The following TBC1D3H variants were observed in gnomAD, a reference collection of about 807,000 sequenced individuals.
TBC1D3H encodes TBC1 domain family member 3H.
rs2069658259 is a variant in TBC1D3H, at chr17:36,385,771, C to G, written c.159-478G>C. 1.5e-5 allele frequency among the ~76,000 whole-genome samples: 2 copies of G among 131,302 alleles called. 1 individual carries two copies. Among genetic ancestry groups the G allele is most frequent in the South Asian group, 6.2e-4 (2 of 3,228 alleles). 86.1% of individuals were successfully genotyped at this position (131,302 alleles called of 152,430 possible). Reference sequence around the variant, plus strand: ...CCAGGGGCCCACCCCACTTGACAGCCCCAAGGCCCTTGCAGATTCTGACCT... The same window carrying G: ...CCAGGGGCCCACCCCACTTGACAGCGCCAAGGCCCTTGCAGATTCTGACCT... On this transcript the variant is annotated intron_variant, in intron 3 of 13. Coordinates refer to ENST00000610350, the MANE Select transcript of TBC1D3H (RefSeq NM_001123392.4).
At position 36,388,393 on chromosome 17, in the gene TBC1D3H, G is replaced by T. The variant is rs1397995924; in HGVS notation, c.-70C>A. On this transcript the variant is annotated 5_prime_UTR_variant, in exon 1 of 14. Coordinates refer to ENST00000610350, the MANE Select transcript of TBC1D3H (RefSeq NM_001123392.4). ...AGAAAACCTTTGAGTCCACAGAGCT[G>T]CTCACAGATACCACTGCCTGTGTGT... is the stretch of plus-strand genomic sequence containing the variant. 6.7e-6 allele frequency: 1 copy of T among 148,920 alleles called. No homozygotes were observed. Among genetic ancestry groups the T allele is most frequent in the Non-Finnish European group, 1.5e-5 (1 of 66,840 alleles). The allele number at this position is 148,920 out of a possible 1,614,324, so 9.2% of individuals were successfully genotyped here. A position where few individuals can be genotyped will look rare whatever the true frequency, so the allele number is the denominator to read the frequency against.
chr17:36,379,695 T>TG, intron 12 of TBC1D3H, 147 bp from the exon 13 acceptor site: 1 of 2,798 alleles, frequency 3.6e-4, no homozygotes, highest in Non-Finnish European at 6.0e-4. Context: ...AGACTGTGGC[T>TG]GGGGGGCGAT....
chr17:36,381,689 GC>G, intron 9 of TBC1D3H, 50 bp downstream of exon 9: 1 of 103,818 alleles, frequency 9.6e-6, no homozygotes, highest in East Asian at 1.4e-4. Flanking sequence ...GGCCAGGGTG[GC>G]CATCCCCAGG....
At position 36,386,076 on chromosome 17, in the gene TBC1D3H, A is replaced by T. The variant is rs1390185782; in HGVS notation, c.158+500T>A. 3.9e-5 allele frequency among the ~76,000 whole-genome samples: 5 copies of T among 127,006 alleles called. 1 individual carries two copies. The highest frequency in any genetic ancestry group is 8.3e-5 in the Non-Finnish European group (5 of 60,186). 83.3% of individuals were successfully genotyped at this position (127,006 alleles called of 152,430 possible). On this transcript the variant is annotated intron_variant, in intron 3 of 13. Coordinates refer to ENST00000610350, the MANE Select transcript of TBC1D3H (RefSeq NM_001123392.4). The stretch of plus-strand genomic sequence containing the variant: ...CTGCCCATCTTCCCCCCGTTCTCCT[A>T]GGGCTACAGCCCCCATTGTCACCAT...
At position 36,385,859 on chromosome 17, in the gene TBC1D3H, G is replaced by A. The variant is rs1350489630; in HGVS notation, c.159-566C>T. The stretch of plus-strand genomic sequence containing the variant: ...ACACCCTGCGTTTCAGAAGTGGCAC[G>A]GCTCATCAGCTCCCTCCCGCCCTAC... On this transcript the variant is annotated intron_variant, in intron 3 of 13. Coordinates refer to ENST00000610350, the MANE Select transcript of TBC1D3H (RefSeq NM_001123392.4). 3.0e-5 allele frequency among the ~76,000 whole-genome samples: 4 copies of A among 131,556 alleles called. 1 individual carries two copies. Among genetic ancestry groups the A allele is most frequent in the Admixed American group, 7.3e-5 (1 of 13,758 alleles). The allele number at this position is 131,556 out of a possible 152,430, so 86.3% of individuals were successfully genotyped here.
At chr17:36,385,689 C>T (rs1416786004) in intron 3 of TBC1D3H, among the ~76,000 whole-genome samples, 1 of 124,084 alleles carries the variant, frequency 8.1e-6, no homozygotes, top group Admixed American at 7.6e-5. Context: ...TGACCACATC[C>T]CCCCGCCAGG....
Position 36,385,896 on chromosome 17 carries a change from T to C in TBC1D3H, c.159-603A>G, listed in dbSNP as rs2069663776. ...CCCTCCCGCCCTACCTCCCCAGGGA[T>C]CCTCTGTCTCTCCATCCTGTGATCC... is the stretch of plus-strand genomic sequence containing the variant. On this transcript the variant is annotated intron_variant, in intron 3 of 13. Transcript: ENST00000610350. Among the ~76,000 whole-genome samples, 2 of 128,652 alleles carry C rather than the reference T, an allele frequency of 1.6e-5. 1 individual carries two copies. The highest frequency in any genetic ancestry group is 1.5e-4 in the Admixed American group (2 of 13,478). 84.4% of individuals were successfully genotyped at this position (128,652 alleles called of 152,430 possible). A position where few individuals can be genotyped will look rare whatever the true frequency, so the allele number is the denominator to read the frequency against.
rs542773709 is a variant in TBC1D3H, at chr17:36,386,067, C to T, written c.158+509G>A. ...AACGGGGCCCTGCCCATCTTCCCCC[C>T]GTTCTCCTAGGGCTACAGCCCCCAT... On this transcript the variant is annotated intron_variant, in intron 3 of 13. Transcript: ENST00000610350. Among the ~76,000 whole-genome samples, 39 of 127,878 alleles carry T rather than the reference C, an allele frequency of 3.0e-4. 4 individuals are homozygous for T. Among genetic ancestry groups the T allele is most frequent in the African/African-American group, 1.1e-3 (39 of 33,922 alleles). 83.9% of individuals were successfully genotyped at this position (127,878 alleles called of 152,430 possible).
intron 3 of TBC1D3H, among the ~76,000 whole-genome samples, chr17:36,385,752 G>A (rs1273163176): frequency 3.1e-5 from 4 of 130,324 alleles, no homozygotes; most frequent in Non-Finnish European, 6.6e-5. Flanking sequence ...TGCACCAGGG[G>A]CCCACCCCAC....
Position 36,385,794 on chromosome 17 carries a change from C to A in TBC1D3H, c.159-501G>T, listed in dbSNP as rs1170743035. On this transcript the variant is annotated intron_variant, in intron 3 of 13. Coordinates refer to ENST00000610350, the MANE Select transcript of TBC1D3H (RefSeq NM_001123392.4). ...GCCCCAAGGCCCTTGCAGATTCTGA[C>A]CTCCCAGCATCCACCTGCCTCTCCC... Among the ~76,000 whole-genome samples the A allele has an allele frequency of 5.1e-4, 68 of 132,216 alleles. 15 individuals are homozygous for A. Among genetic ancestry groups the A allele is most frequent in the African/African-American group, 1.8e-3 (63 of 35,406 alleles). 86.7% of individuals were successfully genotyped at this position (132,216 alleles called of 152,430 possible).
At chr17:36,386,163 C>A (rs959782803) in intron 3 of TBC1D3H, among the ~76,000 whole-genome samples, 2 of 120,916 alleles carry the variant, frequency 1.7e-5, no homozygotes, top group African/African-American at 3.3e-5. Context: ...AGAACAGGGG[C>A]AGGTGGGCCC....
At position 36,385,747 on chromosome 17, in the gene TBC1D3H, C is replaced by T. The variant is rs1294331878; in HGVS notation, c.159-454G>A. On this transcript the variant is annotated intron_variant, in intron 3 of 13. Transcript: ENST00000610350. ...CCTGCCCGGTGTACTCTGGCTGCAC[C>T]AGGGGCCCACCCCACTTGACAGCCC... Among the ~76,000 whole-genome samples the T allele has an allele frequency of 2.3e-5, 3 of 130,424 alleles. 1 individual carries two copies. Among genetic ancestry groups the T allele is most frequent in the Non-Finnish European group, 4.9e-5 (3 of 61,012 alleles). The allele number at this position is 130,424 out of a possible 152,430, so 85.6% of individuals were successfully genotyped here.
Position 36,385,892 on chromosome 17 carries a change from G to T in TBC1D3H, c.159-599C>A. ...AGCTCCCTCCCGCCCTACCTCCCCAGGGATCCTCTGTCTCTCCATCCTGTG... is the reference window on the plus strand; with the variant it reads ...AGCTCCCTCCCGCCCTACCTCCCCATGGATCCTCTGTCTCTCCATCCTGTG... On this transcript the variant is annotated intron_variant, in intron 3 of 13. Transcript: ENST00000610350. Among the ~76,000 whole-genome samples the T allele has an allele frequency of 1.5e-5, 2 of 129,152 alleles. 1 individual carries two copies. The highest frequency in any genetic ancestry group is 3.3e-5 in the Non-Finnish European group (2 of 61,034). The allele number at this position is 129,152 out of a possible 152,430, so 84.7% of individuals were successfully genotyped here.
At chr17:36,385,767 C>T (rs1037572768) in intron 3 of TBC1D3H, among the ~76,000 whole-genome samples, 1 of 131,360 alleles carries the variant, frequency 7.6e-6, no homozygotes, top group African/African-American at 2.8e-5. Flanking sequence ...CCCCACTTGA[C>T]AGCCCCAAGG....
At chr17:36,379,018 A>AG (rs2069608834) in intron 13 of TBC1D3H, among the ~76,000 whole-genome samples, 1 of 71,792 alleles carries the variant, frequency 1.4e-5, no homozygotes, top group Non-Finnish European at 2.1e-5. Flanking sequence ...TGCAGGAGTG[A>AG]GGGGCCTCTG....
At position 36,385,735 on chromosome 17, in the gene TBC1D3H, C is replaced by A. The variant is rs1260546491; in HGVS notation, c.159-442G>T. Among the ~76,000 whole-genome samples the A allele has an allele frequency of 1.5e-5, 2 of 129,986 alleles. 1 individual carries two copies. The highest frequency in any genetic ancestry group is 3.3e-5 in the Non-Finnish European group (2 of 60,812). The allele number at this position is 129,986 out of a possible 152,430, so 85.3% of individuals were successfully genotyped here. On this transcript the variant is annotated intron_variant, in intron 3 of 13. Transcript: ENST00000610350. ...CCTGCCCTGAGACCTGCCCGGTGTACTCTGGCTGCACCAGGGGCCCACCCC... is the reference window on the plus strand; with the variant it reads ...CCTGCCCTGAGACCTGCCCGGTGTAATCTGGCTGCACCAGGGGCCCACCCC...
chr17:36,385,787 A>G (rs376165713), intron 3 of TBC1D3H, among the ~76,000 whole-genome samples: 52 of 131,016 alleles, frequency 4.0e-4, no homozygotes, highest in Non-Finnish European at 4.7e-4. Context: ...GCCCTTGCAG[A>G]TTCTGACCTC....
chr17:36,385,837 C>A (rs1342587925), intron 3 of TBC1D3H, among the ~76,000 whole-genome samples: 3 of 132,226 alleles, frequency 2.3e-5, no homozygotes, highest in African/African-American at 8.5e-5. Context: ...GAGCCACACA[C>A]CCTGCGTTTC....
chr17:36,388,408 T>A lies in TBC1D3H; in HGVS notation c.-85A>T, dbSNP rs537798707. The stretch of plus-strand genomic sequence containing the variant: ...CCACAGAGCTGCTCACAGATACCAC[T>A]GCCTGTGTGTAACTGCTGTAGACCA... On this transcript the variant is annotated 5_prime_UTR_variant, in exon 1 of 14. Coordinates refer to ENST00000610350, the MANE Select transcript of TBC1D3H (RefSeq NM_001123392.4). The A allele has an allele frequency of 2.0e-5, 3 of 149,682 alleles. No homozygotes were observed. The highest frequency in any genetic ancestry group is 4.1e-4 in the East Asian group (2 of 4,928). 9.3% of individuals were successfully genotyped at this position (149,682 alleles called of 1,614,324 possible). A position where few individuals can be genotyped will look rare whatever the true frequency, so the allele number is the denominator to read the frequency against.
Sources: allele counts gnomAD v4.1 joint callset (sites outside exome capture counted in the v4.1 genomes callset), GRCh38; gene constraint gnomAD v4.1.1; transcripts MANE v1.5; gene names NCBI Gene and HGNC (gene_info 2026-07-23, HGNC 2026-07-21).